PRR5: variants seen among roughly 807,000 people sequenced by gnomAD.
PRR5 encodes the protein proline-rich protein 5.
In PRR5, 25 loss-of-function variants were observed where a neutral mutation model predicts 30.6. The ratio of observed to expected loss-of-function variants is 0.82; its 90% CI spans 0.60 to 1.14. PRR5 has a LOEUF of 1.14. Ranked by LOEUF, PRR5 falls within the 50% of genes most tolerant of loss-of-function variation. The probability of loss-of-function intolerance (pLI) is 0.00; values close to 1 mark genes in which losing one functional copy is unlikely to be tolerated. For missense variants in PRR5, 600 were observed against 547.1 expected (o/e 1.10, Z -0.96); for synonymous variants, 286 against 247.1 (o/e 1.16, Z -1.48).
intron 1 of PRR5, among the ~76,000 whole-genome samples, chr22:44,692,859 C>G (rs936844600): frequency 6.6e-6 from 1 of 152,096 alleles, no homozygotes; most frequent in African/African-American, 2.4e-5. Context: ...CGGAAGTGCA[C>G]GAGCTCTCAG....
intron 2 of PRR5, among the ~76,000 whole-genome samples, chr22:44,716,891 T>C (rs540166643): frequency 6.7e-4 from 102 of 152,166 alleles, no homozygotes; most frequent in Non-Finnish European, 1.3e-3. Context: ...TGAAACCCTG[T>C]CTCTACCAAA....
upstream of PRR5, among the ~76,000 whole-genome samples, chr22:44,673,941 A>G (rs1923566202): frequency 6.6e-6 from 1 of 152,194 alleles, no homozygotes; most frequent in South Asian, 2.1e-4. Flanking sequence ...TGGGGTGGAC[A>G]AATCCTCTTT....
In PRR5 at chr22:44,737,484, G is replaced by T. The variant is rs1923499707; in HGVS notation, c.*237G>T. 1.2e-6 allele frequency: 1 copy of T among 812,052 alleles called. No individual in the cohort carries two copies. The allele number at this position is 812,052 out of a possible 1,614,324, so 50.3% of individuals were successfully genotyped here. ...CGGCGTTTACCCAGGGGCCGGGCCA[G>T]AGACGGGGGTCGGCCGCTCGCTCCC... On this transcript the variant is annotated 3_prime_UTR_variant, in exon 8 of 8. Coordinates refer to ENST00000336985, the MANE Select transcript of PRR5 (RefSeq NM_181333.4).
chr22:44,708,515 C>A (rs1482560444), intron 1 of PRR5, among the ~76,000 whole-genome samples: 1 of 152,122 alleles, frequency 6.6e-6, no homozygotes, highest in Non-Finnish European at 1.5e-5. Flanking sequence ...ACCCTGCACC[C>A]GTGTCTCCCC....
upstream of PRR5, among the ~76,000 whole-genome samples, chr22:44,672,673 C>G (rs1427883365): frequency 6.6e-6 from 1 of 152,208 alleles, no homozygotes; most frequent in Non-Finnish European, 1.5e-5. Context: ...TTCTGACTCC[C>G]AAGCGTGGGC....
At chr22:44,725,575 AT>A (rs1920929966) in intron 3 of PRR5, among the ~76,000 whole-genome samples, 3 of 152,150 alleles carry the variant, frequency 2.0e-5, no homozygotes, top group Admixed American at 2.0e-4. Context: ...GCTTCAAGTG[AT>A]TCTCACACCT....
At position 44,694,735 on chromosome 22, in the gene PRR5, T is replaced by A. The variant is rs73891738; in HGVS notation, c.-10-7757T>A. ...ATGGGAATAGCTGCCTGCCTTGGAGTGCTATGGAATTCAAGGGTGGATACC... is the reference window on the plus strand; with the variant it reads ...ATGGGAATAGCTGCCTGCCTTGGAGAGCTATGGAATTCAAGGGTGGATACC... On this transcript the variant is annotated intron_variant, in intron 1 of 8. Transcript: ENST00000006251. Among the ~76,000 whole-genome samples the A allele has an allele frequency of 5.9e-3, 890 of 151,904 alleles. 8 individuals are homozygous for A. The highest frequency in any genetic ancestry group is 0.02 in the African/African-American group (830 of 41,396).
In PRR5 at chr22:44,736,897, G is replaced by T; in HGVS notation, c.817G>T (p.Ala273Ser). 1 of 1,608,812 alleles carries T rather than the reference G, an allele frequency of 6.2e-7. No individual in the cohort carries two copies. Among genetic ancestry groups the T allele is most frequent in the Non-Finnish European group, 8.5e-7 (1 of 1,178,690 alleles). The change falls in exon 8 of 8, where the codon GCC (alanine) becomes TCC (serine). Residue 273 changes from alanine (A) to serine (S), a missense_variant. Coordinates refer to ENST00000336985, the MANE Select transcript of PRR5 (RefSeq NM_181333.4). ...GGAGCACGAGGCGGAGGGCGCGGCG[G>T]CCGGCGGTACCAGCATCCGCAGGCA... is the stretch of plus-strand genomic sequence containing the variant. ...VQEHEAEGAA[A>S]GGTSIRRHSV...
intron 2 of PRR5, among the ~76,000 whole-genome samples, chr22:44,720,152 C>G (rs1929710166): frequency 6.6e-6 from 1 of 152,238 alleles, no homozygotes; most frequent in African/African-American, 2.4e-5. Flanking sequence ...TGGTCCCCTC[C>G]CACTGTCAGG....
At chr22:44,731,003 C>A in intron 4 of PRR5, 1 of 399,762 alleles carries the variant, frequency 2.5e-6, no homozygotes, top group Non-Finnish European at 5.2e-6. Flanking sequence ...CGCCAGCACA[C>A]AGTAGGTGTT....
At chr22:44,670,567 C>T (rs141644991) in intron 1 of PRR5, among the ~76,000 whole-genome samples, 44 of 152,338 alleles carry the variant, frequency 2.9e-4, no homozygotes, top group African/African-American at 9.4e-4. Flanking sequence ...GTGGGTGGAT[C>T]GGCCGTGAGA....
chr22:44,683,488 G>A lies in PRR5; in HGVS notation c.-11+6248G>A, dbSNP rs558790044. On this transcript the variant is annotated intron_variant, in intron 1 of 8. Transcript: ENST00000006251. The stretch of plus-strand genomic sequence containing the variant: ...AGGTTACTCAAAACCAGAAACTGCC[G>A]AGAAGATCTGAATGAGGAGCCCCCT... 4.1e-4 allele frequency among the ~76,000 whole-genome samples: 62 copies of A among 152,362 alleles called. 1 individual carries two copies. The South Asian group carries it at 0.011, about 27-fold the overall frequency.
At chr22:44,718,652 G>C (rs1025297043) in intron 2 of PRR5, among the ~76,000 whole-genome samples, 3 of 152,144 alleles carry the variant, frequency 2.0e-5, no homozygotes, top group African/African-American at 7.2e-5. Flanking sequence ...AGTTCAGTTT[G>C]TCCACATTCT....
At chr22:44,717,564 A>G (rs8141946) in intron 2 of PRR5, among the ~76,000 whole-genome samples, 16,821 of 151,896 alleles carry the variant, frequency 0.11, 1,250 homozygotes, top group African/African-American at 0.21. Flanking sequence ...CAGCCCTGGC[A>G]TTGACCACAG....
At chr22:44,712,872 G>A (rs1928472533) in intron 1 of PRR5, among the ~76,000 whole-genome samples, 1 of 152,214 alleles carries the variant, frequency 6.6e-6, no homozygotes, top group Non-Finnish European at 1.5e-5. Context: ...TCATGACCAG[G>A]AAAGTGAATC....
chr22:44,729,391 G>C, intron 4 of PRR5: 1 of 985,114 alleles, frequency 1.0e-6, no homozygotes, highest in South Asian at 4.7e-5. Context: ...GAGAACCCCA[G>C]AGTGGGAGCC....
intron 1 of PRR5, among the ~76,000 whole-genome samples, chr22:44,692,509 A>T (rs1200702508): frequency 3.3e-5 from 3 of 91,686 alleles, no homozygotes; most frequent in Non-Finnish European, 6.4e-5. Context: ...TCCACCTGGC[A>T]CTCCTCCTCC....
chr22:44,679,904 G>A lies in PRR5; in HGVS notation c.-11+2664G>A, dbSNP rs1365676662. 3 of 1,561,768 alleles carry A rather than the reference G, an allele frequency of 1.9e-6. No homozygotes were observed. The African/African-American group carries it at 4.1e-5, about 21-fold the overall frequency. On this transcript the variant is annotated intron_variant, in intron 1 of 8. Coordinates refer to the PRR5 transcript ENST00000006251. Reference sequence around the variant, plus strand: ...TGTACAGGTGCCACTGTGCCGAAGGGTGGCTACGAGGGAGGCAGGTGTATG... The same window carrying A: ...TGTACAGGTGCCACTGTGCCGAAGGATGGCTACGAGGGAGGCAGGTGTATG...
intron 1 of PRR5, among the ~76,000 whole-genome samples, chr22:44,688,854 G>A (rs190691507): frequency 2.5e-4 from 38 of 152,208 alleles, no homozygotes; most frequent in African/African-American, 9.2e-4. Context: ...CGGGCATGGT[G>A]GTGCACGCCT....
Sources: gnomAD v4.1 joint callset for allele counts (sites outside exome capture counted in the v4.1 genomes callset) on GRCh38, gnomAD v4.1.1 for gene constraint, MANE v1.5 for transcripts, NCBI Gene and HGNC (gene_info 2026-07-23, HGNC 2026-07-21) for gene names.